The following MVB12B variants were observed in gnomAD, a reference collection of about 807,000 sequenced individuals.
The protein encoded by MVB12B is ESCRT-I complex subunit MVB12B.
In MVB12B, 16 loss-of-function variants were observed where a neutral mutation model predicts 41.6. The ratio of observed to expected loss-of-function variants is 0.38; its 90% CI spans 0.26 to 0.58. The LOEUF (loss-of-function observed/expected upper bound fraction) is 0.58, where lower values mean the gene tolerates loss of function less well. Among genes scored for constraint, MVB12B ranks in the 20% least tolerant of loss-of-function variants. The pLI, the probability that MVB12B is intolerant of heterozygous loss-of-function variation, is 0.62. For synonymous variants in MVB12B, 133 were observed against 139.7 expected (o/e 0.95, Z 0.34); for missense variants, 274 against 380.2 (o/e 0.72, Z 2.32).
chr9:126,488,400 T>C (rs76603034), intron 9 of MVB12B, among the ~76,000 whole-genome samples: 3,294 of 149,484 alleles, frequency 0.022, 82 homozygotes, highest in African/African-American at 0.065. Flanking sequence ...GCTTTCAGGT[T>C]CAGGGGCATA....
At chr9:126,423,394 C>G (rs1832081106) in intron 7 of MVB12B, among the ~76,000 whole-genome samples, 1 of 152,188 alleles carries the variant, frequency 6.6e-6, no homozygotes, top group Non-Finnish European at 1.5e-5. Context: ...GCCTCTGGAC[C>G]GCTGCTTCCT....
In MVB12B at chr9:126,504,583, AGAGGAACGG is replaced by A. The variant is rs1834029173; in HGVS notation, c.*1327_*1335del. 6.5e-6 allele frequency: 1 copy of A among 152,784 alleles called. No homozygotes were observed. Among genetic ancestry groups the A allele is most frequent in the African/African-American group, 2.4e-5 (1 of 41,472 alleles). The allele number at this position is 152,784 out of a possible 1,614,324, so 9.5% of individuals were successfully genotyped here. On this transcript the variant is annotated 3_prime_UTR_variant, in exon 10 of 10. Coordinates refer to ENST00000361171, the MANE Select transcript of MVB12B (RefSeq NM_033446.3). ...CCCACAGTAGTGCTAGCTGAGGCCCAGAGGAACGGGAGGAAAGGGAGGCAGCGCCGGACG... is the reference window on the plus strand; with the variant it reads ...CCCACAGTAGTGCTAGCTGAGGCCCAGAGGAAAGGGAGGCAGCGCCGGACG...
intron 9 of MVB12B, among the ~76,000 whole-genome samples, chr9:126,497,749 C>A (rs73583146): frequency 0.021 from 3,265 of 152,326 alleles, 80 homozygotes; most frequent in African/African-American, 0.064. Flanking sequence ...GGGCTTCCCG[C>A]TGGGTATGCA....
chr9:126,367,182 G>A lies in MVB12B; in HGVS notation c.205-13882G>A, dbSNP rs1482324732. Among the ~76,000 whole-genome samples the A allele has an allele frequency of 1.3e-5, 2 of 151,986 alleles. No individual in the cohort carries two copies. Among genetic ancestry groups the A allele is most frequent in the African/African-American group, 2.4e-5 (1 of 41,370 alleles). ...AGCAGTCTCTGGTGCCTCCCATCTC[G>A]ACTCCAGGTTTCTCCTATAAGCGCC... On this transcript the variant is annotated intron_variant, in intron 2 of 9. Coordinates refer to ENST00000361171, the MANE Select transcript of MVB12B (RefSeq NM_033446.3). The surrounding 1 kb of genome is among the most constrained non-coding windows in gnomAD (Gnocchi z 4.3).
rs943308810 is a variant in MVB12B, at chr9:126,340,039, T to G, written c.82-469T>G. ...TTCTGTGTTTGCAACATTCCTTGCT[T>G]CTTTGCAAAGCTCTGCGTGCTGAAG... On this transcript the variant is annotated intron_variant, in intron 1 of 9. Coordinates refer to ENST00000361171, the MANE Select transcript of MVB12B (RefSeq NM_033446.3). The surrounding 1 kb of genome is among the most constrained non-coding windows in gnomAD (Gnocchi z 4.0). Among the ~76,000 whole-genome samples the G allele has an allele frequency of 6.6e-6, 1 of 152,210 alleles. No homozygotes were observed. The highest frequency in any genetic ancestry group is 1.5e-5 in the Non-Finnish European group (1 of 68,038).
chr9:126,425,288 A>T (rs576310930), intron 7 of MVB12B, among the ~76,000 whole-genome samples: 2 of 152,334 alleles, frequency 1.3e-5, no homozygotes, highest in Non-Finnish European at 2.9e-5. Flanking sequence ...TCTCTTTAAA[A>T]AAATTAATTT....
chr9:126,375,503 C>T (rs1362295464), intron 2 of MVB12B, among the ~76,000 whole-genome samples: 2 of 151,762 alleles, frequency 1.3e-5, no homozygotes, highest in African/African-American at 4.8e-5. Context: ...CCCTCCACAT[C>T]CCCTCCTCCC....
rs1472509137 is a variant in MVB12B at position 126,379,374 on chromosome 9, CATGGGAGAAA to C, written c.205-1688_205-1679del. The stretch of plus-strand genomic sequence containing the variant: ...CAAAAATCTTTCAAAACATGTAATC[CATGGGAGAAA>C]ACAAGCATAGGGGGTGCTTTGTGTG... On this transcript the variant is annotated intron_variant, in intron 2 of 9. Coordinates refer to ENST00000361171, the MANE Select transcript of MVB12B (RefSeq NM_033446.3). 2.0e-5 allele frequency among the ~76,000 whole-genome samples: 3 copies of C among 151,088 alleles called. No homozygotes were observed. The East Asian group carries it at 5.8e-4, about 29-fold the overall frequency.
At chr9:126,384,128 C>A (rs540337928) in intron 3 of MVB12B, among the ~76,000 whole-genome samples, 2 of 152,046 alleles carry the variant, frequency 1.3e-5, no homozygotes, top group East Asian at 3.9e-4. Flanking sequence ...TTAGACCAGG[C>A]GACTCTGAAA....
intron 1 of MVB12B, among the ~76,000 whole-genome samples, chr9:126,334,176 T>C (rs1268073484): frequency 6.6e-6 from 1 of 152,222 alleles, no homozygotes; most frequent in Non-Finnish European, 1.5e-5. Context: ...CGTAGTCATC[T>C]GTGGACTCAC....
chr9:126,413,335 G>T (rs1214703035), intron 6 of MVB12B, among the ~76,000 whole-genome samples: 1 of 152,174 alleles, frequency 6.6e-6, no homozygotes, highest in Non-Finnish European at 1.5e-5. Context: ...GCCTCTCTGA[G>T]ACACCTGTGG....
chr9:126,491,409 G>T (rs1833728591), intron 9 of MVB12B, among the ~76,000 whole-genome samples: 1 of 147,804 alleles, frequency 6.8e-6, no homozygotes, highest in Non-Finnish European at 1.5e-5. Flanking sequence ...AGCTTTCCTG[G>T]TGCTTATTAG....
intron 2 of MVB12B, among the ~76,000 whole-genome samples, chr9:126,372,506 C>T (rs995358435): frequency 1.3e-5 from 2 of 152,204 alleles, no homozygotes; most frequent in African/African-American, 2.4e-5. Context: ...GCAGAGGGCT[C>T]GCATTCGTCC....
chr9:126,407,532 C>T (rs1338701784), intron 6 of MVB12B, among the ~76,000 whole-genome samples: 3 of 152,164 alleles, frequency 2.0e-5, no homozygotes, highest in Non-Finnish European at 4.4e-5. Flanking sequence ...TCGAGTCTTC[C>T]TCTCTGTGAG....
chr9:126,427,898 T>C (rs1314710413), intron 7 of MVB12B, among the ~76,000 whole-genome samples: 1 of 152,052 alleles, frequency 6.6e-6, no homozygotes, highest in African/African-American at 2.4e-5. Flanking sequence ...AGCTGTAACC[T>C]GAATCTATCC....
intron 6 of MVB12B, among the ~76,000 whole-genome samples, chr9:126,421,580 C>T (rs545303319): frequency 6.6e-6 from 1 of 152,134 alleles, no homozygotes; most frequent in South Asian, 2.1e-4. Flanking sequence ...CCCTTGGGCC[C>T]GCTGTAAGGC....
chr9:126,452,654 AAG>A (rs1034541768), intron 7 of MVB12B, among the ~76,000 whole-genome samples: 36 of 152,196 alleles, frequency 2.4e-4, no homozygotes, highest in African/African-American at 8.7e-4. Flanking sequence ...AGAGGAAAGA[AAG>A]AGTTGTCAGA....
At chr9:126,418,516 C>A (rs1362944885) in intron 6 of MVB12B, among the ~76,000 whole-genome samples, 1 of 152,150 alleles carries the variant, frequency 6.6e-6, no homozygotes, top group Admixed American at 6.5e-5. Context: ...TGCTACCATT[C>A]CCATCCACAT....
Position 126,492,150 on chromosome 9 carries a change from C to T in MVB12B, c.873+8118C>T, listed in dbSNP as rs180947818. Among the ~76,000 whole-genome samples the T allele has an allele frequency of 3.4e-4, 51 of 148,530 alleles. No individual in the cohort carries two copies. In the East Asian group the frequency reaches 5.5e-3, roughly 16 times the overall value. On this transcript the variant is annotated intron_variant, in intron 9 of 9. Transcript: ENST00000361171. The stretch of plus-strand genomic sequence containing the variant: ...CACACACACACACGCTCAGCAGGCT[C>T]ATGCAGTACTGCCGGCTGCGACCTG...
Sources: allele counts gnomAD v4.1 joint callset (sites outside exome capture counted in the v4.1 genomes callset), GRCh38; gene constraint gnomAD v4.1.1; non-coding constraint Gnocchi (gnomAD v3.1); transcripts MANE v1.5; gene names NCBI Gene and HGNC (gene_info 2026-07-23, HGNC 2026-07-21).